TMEM108: variants seen among roughly 807,000 people sequenced by gnomAD.
TMEM108 encodes cancer/testis antigen 124.
A neutral mutation model predicts 35.1 loss-of-function variants in TMEM108; 12 were observed. The observed-to-expected ratio is 0.34, with a 90% confidence interval of 0.22 to 0.55. The LOEUF is 0.55. TMEM108 is among the 20% of genes least tolerant of loss of function. The pLI is 0.89. For missense variants in TMEM108, 680 were observed against 753.3 expected (o/e 0.90, Z 1.14); for synonymous variants, 287 against 308.6 (o/e 0.93, Z 0.73).
intron 2 of TMEM108, among the ~76,000 whole-genome samples, chr3:133,058,507 G>A (rs1943499579): frequency 6.6e-6 from 1 of 152,220 alleles, no homozygotes; most frequent in Non-Finnish European, 1.5e-5. Context: ...TTCCCTTCCT[G>A]TCTTTTGTTT....
intron 2 of TMEM108, among the ~76,000 whole-genome samples, chr3:133,188,844 G>A (rs1407378724): frequency 6.6e-6 from 1 of 152,088 alleles, no homozygotes; most frequent in Non-Finnish European, 1.5e-5. Context: ...TTCATGTTCC[G>A]TATAGTCATT....
In TMEM108 at chr3:133,380,943, C is replaced by A; in HGVS notation, c.1232C>A (p.Thr411Asn). Reference protein sequence around the residue: ...KEETVATLTMTDRVPSPLSTV... With the variant: ...KEETVATLTMNDRVPSPLSTV... ...GAGACTGTGGCCACCCTCACCATGA[C>A]CGACCGGGTGCCCAGTCCTCTCTCC... Residue 411 changes from threonine (T) to asparagine (N), a missense_variant, in exon 4 of 6, where the codon ACC becomes AAC. This residue lies in a region of TMEM108 where 526 missense variants were observed against 532.1 expected (regional missense o/e 0.99). Transcript: ENST00000321871. The surrounding 1 kb of genome is among the most constrained non-coding windows in gnomAD (Gnocchi z 5.3). The A allele has an allele frequency of 6.2e-7, 1 of 1,614,176 alleles. No homozygotes were observed. The highest frequency in any genetic ancestry group is 1.1e-5 in the South Asian group (1 of 91,074).
chr3:133,238,272 A>G lies in TMEM108; in HGVS notation c.40+8921A>G, dbSNP rs577153188. The stretch of plus-strand genomic sequence containing the variant: ...CTAGCTTCTCAGGCATGGGAATTCT[A>G]TTTCATCATCCATTCCTTTGTTTCC... On this transcript the variant is annotated intron_variant, in intron 3 of 5. Transcript: ENST00000321871. Among the ~76,000 whole-genome samples, 11 of 145,114 alleles carry G rather than the reference A, an allele frequency of 7.6e-5. No individual in the cohort carries two copies. The East Asian group carries it at 1.2e-3, about 15-fold the overall frequency.
chr3:133,381,894 A>G (rs1242530633), intron 4 of TMEM108, among the ~76,000 whole-genome samples: 1 of 151,776 alleles, frequency 6.6e-6, no homozygotes, highest in Non-Finnish European at 1.5e-5. Context: ...AGGTGATGTG[A>G]GCTGATTGCA....
chr3:133,224,152 T>TATTC (rs896266939), intron 2 of TMEM108, among the ~76,000 whole-genome samples: 1 of 152,218 alleles, frequency 6.6e-6, no homozygotes, highest in African/African-American at 2.4e-5. Context: ...ATCATTTATT[T>TATTC]ATTCATTCAT....
intron 3 of TMEM108, among the ~76,000 whole-genome samples, chr3:133,370,246 G>T (rs1462140732): frequency 2.7e-5 from 4 of 150,670 alleles, no homozygotes; most frequent in Non-Finnish European, 5.9e-5. Flanking sequence ...ACTCCCCTTG[G>T]CTGTGACAGC....
At chr3:133,381,762 G>A (rs909458887) in intron 4 of TMEM108, among the ~76,000 whole-genome samples, 2 of 152,148 alleles carry the variant, frequency 1.3e-5, no homozygotes, top group Non-Finnish European at 2.9e-5. Context: ...AAGAGATAAA[G>A]CTTTCATCTG....
At chr3:133,330,971 T>C (rs1445740685) in intron 3 of TMEM108, among the ~76,000 whole-genome samples, 2 of 152,084 alleles carry the variant, frequency 1.3e-5, no homozygotes, top group South Asian at 2.1e-4. Flanking sequence ...CTGATGGAAT[T>C]TACCTTAAAA....
At chr3:133,312,377 G>A (rs185818210) in intron 3 of TMEM108, among the ~76,000 whole-genome samples, 2 of 152,308 alleles carry the variant, frequency 1.3e-5, no homozygotes, top group African/African-American at 4.8e-5. Context: ...CTGAGCTGTG[G>A]TGGGCTCCAC....
rs527415642 is a variant in TMEM108, at chr3:133,237,737, C to T, written c.40+8386C>T. Among the ~76,000 whole-genome samples the T allele has an allele frequency of 1.9e-4, 29 of 152,202 alleles. No individual in the cohort carries two copies. In the South Asian group the frequency reaches 5.8e-3, roughly 30 times the overall value. On this transcript the variant is annotated intron_variant, in intron 3 of 5. Transcript: ENST00000321871. Reference sequence around the variant, plus strand: ...AGAGAACCAGCTGTCTTTCATAAGCCAGACACTAAAGAGATTTACAAAAAT... The same window carrying T: ...AGAGAACCAGCTGTCTTTCATAAGCTAGACACTAAAGAGATTTACAAAAAT...
intron 3 of TMEM108, among the ~76,000 whole-genome samples, chr3:133,264,040 G>A (rs1022047078): frequency 1.3e-5 from 2 of 152,078 alleles, no homozygotes; most frequent in Non-Finnish European, 2.9e-5. Context: ...GTGTGATGAT[G>A]CATACCTGTA....
At chr3:133,279,612 C>G (rs1328486068) in intron 3 of TMEM108, among the ~76,000 whole-genome samples, 1 of 152,200 alleles carries the variant, frequency 6.6e-6, no homozygotes, top group Non-Finnish European at 1.5e-5. Flanking sequence ...GGGACTTTAT[C>G]TTCATTCCCA....
chr3:133,216,661 A>G (rs972377089), intron 2 of TMEM108, among the ~76,000 whole-genome samples: 5 of 151,982 alleles, frequency 3.3e-5, no homozygotes, highest in African/African-American at 1.2e-4. Context: ...ACTTTTTTAG[A>G]TTAAACGTAT....
At chr3:133,283,754 T>C (rs113858137) in intron 3 of TMEM108, among the ~76,000 whole-genome samples, 128 of 152,326 alleles carry the variant, frequency 8.4e-4, no homozygotes, top group African/African-American at 3.1e-3. Context: ...AGATAGCGCA[T>C]GCGAACTTTG....
chr3:133,102,856 A>G (rs748813691), intron 2 of TMEM108, among the ~76,000 whole-genome samples: 1 of 146,566 alleles, frequency 6.8e-6, no homozygotes, highest in Non-Finnish European at 1.5e-5. Context: ...ATCACTGATC[A>G]TTAGAAAACT....
At chr3:133,173,850 G>A (rs1026483936) in intron 2 of TMEM108, among the ~76,000 whole-genome samples, 3 of 152,168 alleles carry the variant, frequency 2.0e-5, no homozygotes, top group Non-Finnish European at 4.4e-5. Flanking sequence ...TGGGTGCAGT[G>A]CACCAAGTGT....
intron 2 of TMEM108, among the ~76,000 whole-genome samples, chr3:133,197,817 A>G (rs939312522): frequency 4.6e-5 from 7 of 152,302 alleles, no homozygotes; most frequent in African/African-American, 1.7e-4. Context: ...AAACTCAGAC[A>G]TGAGAGTCAT....
At chr3:133,141,807 C>T (rs9289439) in intron 2 of TMEM108, among the ~76,000 whole-genome samples, 31,874 of 152,062 alleles carry the variant, frequency 0.21, 3,534 homozygotes, top group Admixed American at 0.31. Context: ...GGTTAGTGGA[C>T]ATGACCCTGG....
chr3:133,239,810 G>T (rs577133514), intron 3 of TMEM108, among the ~76,000 whole-genome samples: 1 of 152,340 alleles, frequency 6.6e-6, no homozygotes, highest in South Asian at 2.1e-4. Flanking sequence ...TGATGGAGAA[G>T]TGAGTTCTGG....
Sources: allele counts gnomAD v4.1 joint callset (sites outside exome capture counted in the v4.1 genomes callset), GRCh38; gene constraint gnomAD v4.1.1; regional missense constraint gnomAD v4.1.1; non-coding constraint Gnocchi (gnomAD v3.1); transcripts MANE v1.5; gene names NCBI Gene and HGNC (gene_info 2026-07-23, HGNC 2026-07-21).